The following DISP3 variants were observed in gnomAD, a reference collection of about 807,000 sequenced individuals.
DISP3 encodes the protein protein dispatched homolog 3.
Under a neutral mutation model 135.3 loss-of-function variants are expected in DISP3, and 101 were observed. The ratio of observed to expected loss-of-function variants is 0.75; its 90% CI spans 0.64 to 0.88. DISP3 has a LOEUF of 0.88. DISP3 is among the 40% of genes least tolerant of loss of function. The probability of loss-of-function intolerance (pLI) is 0.00; values close to 1 mark genes in which losing one functional copy is unlikely to be tolerated. For missense variants in DISP3, 1,713 were observed against 1,878.6 expected (o/e 0.91, Z 1.63); for synonymous variants, 856 against 817.0 (o/e 1.05, Z -0.81).
chr1:11,513,256 C>A (rs1641909174), intron 3 of DISP3, among the ~76,000 whole-genome samples: 1 of 151,338 alleles, frequency 6.6e-6, no homozygotes. Context: ...TGCAGTCAAG[C>A]CTGGGTGACA....
Position 11,531,094 on chromosome 1 carries a change from G to A in DISP3, c.3229+61G>A. 6.2e-7 allele frequency: 1 copy of A among 1,601,808 alleles called. No homozygotes were observed. The highest frequency in any genetic ancestry group is 8.5e-7 in the Non-Finnish European group (1 of 1,177,190). ...AGGATGGACTGACTGGGGAGGCACA[G>A]AGGCCGTGGTCCAAGGTAGACAGCC... On this transcript the variant is annotated intron_variant, in intron 16 of 20. Transcript: ENST00000294484. This position sits in a 1 kb window ranked among gnomAD's most constrained non-coding sequence, Gnocchi z 5.2.
intron 10 of DISP3, among the ~76,000 whole-genome samples, chr1:11,523,574 G>A (rs1280599966): frequency 6.9e-6 from 1 of 144,266 alleles, no homozygotes; most frequent in Non-Finnish European, 1.5e-5. Flanking sequence ...CGAGCAGGGG[G>A]CAGAGTGGCA....
At chr1:11,523,554 A>G (rs1642310992) in intron 10 of DISP3, among the ~76,000 whole-genome samples, 1 of 132,182 alleles carries the variant, frequency 7.6e-6, no homozygotes, top group African/African-American at 3.0e-5. Context: ...GCAGAGTGGC[A>G]CAGAGAGGGC....
rs555014432 is a variant in DISP3, at chr1:11,485,362, A to G, written c.-4+5990A>G. 6.2e-4 allele frequency among the ~76,000 whole-genome samples: 94 copies of G among 152,326 alleles called. No homozygotes were observed. In the Middle Eastern group the frequency reaches 0.024, roughly 39 times the overall value. Reference sequence around the variant, plus strand: ...TGGAGAAGGCTCACTCCGCCCAGCCATCTGCTCGGGGCATCCAGCACATAC... The same window carrying G: ...TGGAGAAGGCTCACTCCGCCCAGCCGTCTGCTCGGGGCATCCAGCACATAC... On this transcript the variant is annotated intron_variant, in intron 1 of 20. Coordinates refer to ENST00000294484, the MANE Select transcript of DISP3 (RefSeq NM_020780.2).
At chr1:11,518,520 G>A (rs1642076625) in intron 7 of DISP3, among the ~76,000 whole-genome samples, 1 of 152,206 alleles carries the variant, frequency 6.6e-6, no homozygotes, top group Non-Finnish European at 1.5e-5. Flanking sequence ...GCGTCATGGG[G>A]AAAGGGCGCC....
intron 1 of DISP3, among the ~76,000 whole-genome samples, chr1:11,484,542 G>T (rs963691550): frequency 6.6e-6 from 1 of 152,232 alleles, no homozygotes; most frequent in Non-Finnish European, 1.5e-5. Context: ...GAAGTGTAAG[G>T]TCTGGGTATG....
chr1:11,535,953 C>T (rs1642696955), intron 20 of DISP3, among the ~76,000 whole-genome samples: 1 of 152,276 alleles, frequency 6.6e-6, no homozygotes, highest in Non-Finnish European at 1.5e-5. Flanking sequence ...CCAGCCACGA[C>T]CCAGAGGCCA....
At chr1:11,513,870 T>C (rs1178550778) in intron 3 of DISP3, among the ~76,000 whole-genome samples, 3 of 152,140 alleles carry the variant, frequency 2.0e-5, no homozygotes, top group Non-Finnish European at 2.9e-5. Flanking sequence ...ATGGACTCCA[T>C]CTTGTTACTC....
rs893826420 is a variant in DISP3 at position 11,501,829 on chromosome 1, C to T, written c.837C>T (p.Phe279=). 2.5e-6 allele frequency: 4 copies of T among 1,611,188 alleles called. No individual in the cohort carries two copies. The highest frequency in any genetic ancestry group is 3.4e-6 in the Non-Finnish European group (4 of 1,178,740). The change falls in exon 2 of 21, where the codon TTC becomes TTT. Residue 279 remains phenylalanine (F), a synonymous_variant. Coordinates refer to ENST00000294484, the MANE Select transcript of DISP3 (RefSeq NM_020780.2). This position sits in a 1 kb window ranked among gnomAD's most constrained non-coding sequence, Gnocchi z 4.9. ...THAHWRIELI[F]LARGDAERNI... is the part of the protein sequence containing the mutation. The stretch of plus-strand genomic sequence containing the variant: ...CGCACTGGCGCATCGAGCTCATCTT[C>T]CTGGCGCGCGGCGACGCGGAGCGCA...
At chr1:11,534,755 C>T (rs1298168728) in intron 18 of DISP3, 2 of 784,132 alleles carry the variant, frequency 2.6e-6, no homozygotes, top group Non-Finnish European at 4.2e-6. Flanking sequence ...TGGACTTTGG[C>T]CACCTAAAAA....
chr1:11,508,971 T>A (rs1641781460), intron 3 of DISP3, among the ~76,000 whole-genome samples: 1 of 152,234 alleles, frequency 6.6e-6, no homozygotes, highest in Non-Finnish European at 1.5e-5. Context: ...TCTCTTGTAC[T>A]ACTTTCTTAA....
intron 1 of DISP3, among the ~76,000 whole-genome samples, chr1:11,492,689 GGT>G (rs1215518098): frequency 6.6e-6 from 1 of 152,236 alleles, no homozygotes; most frequent in African/African-American, 2.4e-5. Context: ...GGGCAGCAGG[GGT>G]GATGGGGAGT....
chr1:11,497,655 C>T (rs920855799), intron 1 of DISP3, among the ~76,000 whole-genome samples: 1 of 152,124 alleles, frequency 6.6e-6, no homozygotes, highest in East Asian at 1.9e-4. Flanking sequence ...CCCAGAGTGC[C>T]GGGATTACAG....
chr1:11,500,687 TC>T (rs1467825411), intron 1 of DISP3, among the ~76,000 whole-genome samples: 1 of 152,138 alleles, frequency 6.6e-6, no homozygotes, highest in African/African-American at 2.4e-5. Flanking sequence ...TTTTTTTAAA[TC>T]CCTCACCCCA....
chr1:11,499,272 G>A lies in DISP3; in HGVS notation c.-3-1718G>A, dbSNP rs1013867458. On this transcript the variant is annotated intron_variant, in intron 1 of 20. Coordinates refer to ENST00000294484, the MANE Select transcript of DISP3 (RefSeq NM_020780.2). This position sits in a 1 kb window ranked among gnomAD's most constrained non-coding sequence, Gnocchi z 5.2. ...ACAAGGCAGGCTGAGGCACGGGCAG[G>A]ATGGATGGGTTTAGTTCCCAGAAAA... 5.3e-5 allele frequency among the ~76,000 whole-genome samples: 8 copies of A among 152,178 alleles called. No homozygotes were observed. Among genetic ancestry groups the A allele is most frequent in the African/African-American group, 1.9e-4 (8 of 41,436 alleles).
chr1:11,480,920 T>TC (rs1640885535), intron 1 of DISP3, among the ~76,000 whole-genome samples: 1 of 112,442 alleles, frequency 8.9e-6, no homozygotes, highest in Non-Finnish European at 1.7e-5. Flanking sequence ...TGCTTGGCTC[T>TC]CTACCTCAAT....
intron 7 of DISP3, among the ~76,000 whole-genome samples, chr1:11,517,993 C>G (rs1642060379): frequency 6.6e-6 from 1 of 152,198 alleles, no homozygotes; most frequent in Admixed American, 6.5e-5. Context: ...ATCCCATGCT[C>G]TTAGCCACCA....
Position 11,529,226 on chromosome 1 carries a change from C to A in DISP3, c.2799-330C>A, listed in dbSNP as rs1433072551. On this transcript the variant is annotated intron_variant, in intron 13 of 20. Transcript: ENST00000294484. This position sits in a 1 kb window ranked among gnomAD's most constrained non-coding sequence, Gnocchi z 4.7. ...GTTGGCCCTGGGGGTCCCTCCTGAA[C>A]CCTCGTACCCCCGGGGGACAGTTTG... Among the ~76,000 whole-genome samples the A allele has an allele frequency of 2.0e-5, 3 of 152,062 alleles. No homozygotes were observed. Among genetic ancestry groups the A allele is most frequent in the Non-Finnish European group, 4.4e-5 (3 of 67,982 alleles).
At chr1:11,481,750 G>A (rs1420632190) in intron 1 of DISP3, 1 of 152,198 alleles carries the variant, frequency 6.6e-6, no homozygotes, top group Admixed American at 6.5e-5. Flanking sequence ...TGAGTCTCTT[G>A]AGTGTGGGTG....
Sources: gnomAD v4.1 joint callset for allele counts (sites outside exome capture counted in the v4.1 genomes callset) on GRCh38, gnomAD v4.1.1 for gene constraint, Gnocchi (gnomAD v3.1) non-coding constraint, MANE v1.5 for transcripts, NCBI Gene and HGNC (gene_info 2026-07-23, HGNC 2026-07-21) for gene names.